The following FEZ2 variants were observed in gnomAD, a reference collection of about 807,000 sequenced individuals.
The protein encoded by FEZ2 is fasciculation and elongation protein zeta 2, also known as fasciculation and elongation protein zeta-2.
Under a neutral mutation model 40.4 loss-of-function variants are expected in FEZ2, and 51 were observed. The observed-to-expected ratio is 1.26, with a 90% CI of 1.01 to 1.59. FEZ2 has a LOEUF of 1.59. FEZ2 is among the 40% of genes most tolerant of loss of function. The pLI, the probability that FEZ2 is intolerant of heterozygous loss-of-function variation, is 0.00. For synonymous variants in FEZ2, 242 were observed against 172.0 expected (o/e 1.41, Z -3.18); for missense variants, 640 against 438.3 (o/e 1.46, Z -4.11).
In FEZ2 at chr2:36,583,443, T is replaced by G. The variant is rs14291; in HGVS notation, c.402A>C (p.Thr134=). 3.9e-5 allele frequency: 63 copies of G among 1,597,488 alleles called. No individual in the cohort carries two copies. Among genetic ancestry groups the G allele is most frequent in the Non-Finnish European group, 5.2e-5 (61 of 1,165,194 alleles). Reference sequence around the variant, plus strand: ...GTTCTCTCAGCTCTTCATCATCTGATGTATCAAAGAGCAAACTGTCACTTA... The same window carrying G: ...GTTCTCTCAGCTCTTCATCATCTGAGGTATCAAAGAGCAAACTGTCACTTA... The part of the protein sequence containing the change: ...KGVSDSLLFD[T]SDDEELREQL... Residue 134 remains threonine, a synonymous_variant, in exon 3 of 8, where the codon ACA becomes ACC. Transcript: ENST00000405912.
chr2:36,579,137 A>G, intron 4 of FEZ2: 1 of 389,492 alleles, frequency 2.6e-6, no homozygotes, highest in Non-Finnish European at 4.6e-6. Flanking sequence ...TTGTGCAAAT[A>G]AATCATTGCA....
At chr2:36,584,268 C>T (rs1668837473) in intron 2 of FEZ2, among the ~76,000 whole-genome samples, 11 of 152,180 alleles carry the variant, frequency 7.2e-5, no homozygotes, top group Admixed American at 7.2e-4. Flanking sequence ...GCAGACTTCT[C>T]CCACAAGGCC....
At chr2:36,590,850 T>C (rs1260176200) in intron 2 of FEZ2, 53 bp downstream of exon 2, 1 of 1,014,126 alleles carries the variant, frequency 9.9e-7, no homozygotes, top group East Asian at 2.4e-5. Context: ...ACTGTTTTAG[T>C]TCTATTATCA....
At chr2:36,584,177 G>C (rs1385475181) in intron 2 of FEZ2, 2 of 152,234 alleles carry the variant, frequency 1.3e-5, no homozygotes. Context: ...GTGAAGGCTG[G>C]GCATGTATTT....
chr2:36,568,888 A>C (rs1050177059), intron 5 of FEZ2, among the ~76,000 whole-genome samples: 3 of 152,214 alleles, frequency 2.0e-5, no homozygotes, highest in African/African-American at 7.2e-5. Flanking sequence ...AACCAGTAGC[A>C]ACAATGTATA....
Position 36,558,524 on chromosome 2 carries a change from T to TTA in FEZ2, c.904-12_904-11insTA. On this transcript the variant is annotated splice_polypyrimidine_tract_variant and intron_variant, in intron 5 of 7. Coordinates refer to ENST00000405912, the MANE Select transcript of FEZ2 (RefSeq NM_005102.3). ...GACTGTAGTCAAATACTGCCAAGTT[T>TTA]AAAAAAAAAAAGTGTCACTTAAATC... 1 of 1,215,732 alleles carries TTA rather than the reference T, an allele frequency of 8.2e-7. No individual in the cohort carries two copies. The highest frequency in any genetic ancestry group is 1.7e-5 in the South Asian group (1 of 59,828). 75.3% of individuals were successfully genotyped at this position (1,215,732 alleles called of 1,614,324 possible).
intron 5 of FEZ2, chr2:36,560,737 C>A (rs1484352065): frequency 8.4e-7 from 1 of 1,197,012 alleles, no homozygotes; most frequent in East Asian, 2.4e-5. Context: ...TTCACTTACA[C>A]AGAAAATGAA....
intron 5 of FEZ2, chr2:36,558,793 G>T: frequency 4.2e-6 from 1 of 240,620 alleles, no homozygotes; most frequent in Non-Finnish European, 7.9e-6. Context: ...TAAGTCTGAG[G>T]ATGGTTTACT....
chr2:36,597,888 C>A lies in FEZ2; in HGVS notation c.255G>T (p.Leu85=). The A allele has an allele frequency of 7.2e-7, 1 of 1,383,474 alleles. No homozygotes were observed. Among genetic ancestry groups the A allele is most frequent in the Non-Finnish European group, 9.3e-7 (1 of 1,075,710 alleles). The allele number at this position is 1,383,474 out of a possible 1,614,324, so 85.7% of individuals were successfully genotyped here. The change falls in exon 1 of 8, where the codon CTG becomes CTT. Residue 85 remains leucine (L), a synonymous_variant. Coordinates refer to ENST00000405912, the MANE Select transcript of FEZ2 (RefSeq NM_005102.3). ...GGCCCCGCACTCACTCGTCCCCCTG[C>A]AGGAGGCTGCGCTCCGTGATGGGCC... ...AVRPITERSL[L]QGDEIWNALT...
intron 5 of FEZ2, among the ~76,000 whole-genome samples, chr2:36,563,866 C>T (rs1668160565): frequency 6.6e-6 from 1 of 152,192 alleles, no homozygotes; most frequent in Admixed American, 6.5e-5. Context: ...CCAGATTTCC[C>T]TCACCCCAAC....
At chr2:36,589,833 G>T (rs1669013933) in intron 2 of FEZ2, 1 of 152,130 alleles carries the variant, frequency 6.6e-6, no homozygotes, top group African/African-American at 2.4e-5. Flanking sequence ...ACAATACTAT[G>T]TAAAATAGTG....
In FEZ2 at chr2:36,552,914, C is replaced by A. The variant is rs1667855158; in HGVS notation, c.*249G>T. On this transcript the variant is annotated 3_prime_UTR_variant, in exon 8 of 8. Transcript: ENST00000405912. ...ACATGCACAATTAATATTACTCTCT[C>A]TTAATCTACTAAGAGAACAGTTTAT... is the stretch of plus-strand genomic sequence containing the variant. 2.1e-6 allele frequency: 1 copy of A among 486,350 alleles called. No homozygotes were observed. The highest frequency in any genetic ancestry group is 3.7e-5 in the Admixed American group (1 of 27,084). 30.1% of individuals were successfully genotyped at this position (486,350 alleles called of 1,614,324 possible). A position where few individuals can be genotyped will look rare whatever the true frequency, so the allele number is the denominator to read the frequency against.
chr2:36,570,080 CAA>C (rs199679199), intron 5 of FEZ2, among the ~76,000 whole-genome samples: 2,888 of 151,690 alleles, frequency 0.019, 49 homozygotes, highest in South Asian at 0.087. Context: ...AATGAGGAAA[CAA>C]GTGTAAAAAA....
intron 5 of FEZ2, among the ~76,000 whole-genome samples, chr2:36,575,133 T>C (rs915531278): frequency 3.9e-5 from 6 of 152,198 alleles, no homozygotes; most frequent in African/African-American, 1.4e-4. Flanking sequence ...TCTCCGTCAT[T>C]AGACTATAAG....
intron 2 of FEZ2, among the ~76,000 whole-genome samples, chr2:36,587,194 T>C (rs962098631): frequency 1.3e-5 from 2 of 152,156 alleles, no homozygotes; most frequent in African/African-American, 4.8e-5. Flanking sequence ...AACAGTAAAC[T>C]ATTATAATAA....
Position 36,598,136 on chromosome 2 carries a change from C to T in FEZ2, c.7G>A (p.Ala3Thr), listed in dbSNP as rs1669299021. ...TAGAAATCCTGCCAGTCCCCGTCCG[C>T]CGCCATCGCCGCCCGGAGCAGTCGC... is the stretch of plus-strand genomic sequence containing the variant. MA[A>T]DGDWQDFYEF... The change falls in exon 1 of 8, where the codon GCG (alanine) becomes ACG (threonine). Residue 3 changes from alanine to threonine, a missense_variant. Physicochemically the swap from Ala to Thr is moderately conservative, Grantham distance 58 (BLOSUM62 0). Coordinates refer to ENST00000405912, the MANE Select transcript of FEZ2 (RefSeq NM_005102.3). 2.0e-6 allele frequency: 3 copies of T among 1,476,382 alleles called. No individual in the cohort carries two copies. In the African/African-American group the frequency reaches 4.4e-5, roughly 22 times the overall value. 91.5% of individuals were successfully genotyped at this position (1,476,382 alleles called of 1,614,324 possible).
intron 6 of FEZ2, chr2:36,556,231 A>G (rs1308590139): frequency 4.2e-6 from 1 of 238,420 alleles, no homozygotes; most frequent in Non-Finnish European, 8.9e-6. Flanking sequence ...CTTTCAAAGA[A>G]AAGACCCAAA....
At chr2:36,557,088 C>T (rs561248626) in intron 6 of FEZ2, 4 of 152,202 alleles carry the variant, frequency 2.6e-5, no homozygotes, top group Non-Finnish European at 4.4e-5. Flanking sequence ...ATGTTCCCTT[C>T]TTTAGAGGGC....
At chr2:36,565,889 C>A (rs751807445) in intron 5 of FEZ2, among the ~76,000 whole-genome samples, 1 of 152,180 alleles carries the variant, frequency 6.6e-6, no homozygotes, top group Non-Finnish European at 1.5e-5. Flanking sequence ...CTTCCCCACC[C>A]TGCCCAGTTG....
Sources: allele counts gnomAD v4.1 joint callset (sites outside exome capture counted in the v4.1 genomes callset), GRCh38; gene constraint gnomAD v4.1.1; transcripts MANE v1.5; gene names NCBI Gene and HGNC (gene_info 2026-07-23, HGNC 2026-07-21).